The following ETFDH variants were observed in gnomAD, a reference collection of about 807,000 sequenced individuals.
ETFDH encodes the protein electron transfer flavoprotein dehydrogenase.
ETFDH carries 61 observed loss-of-function variants against 73.2 expected under a neutral mutation model. That is an observed-to-expected ratio of 0.83 (90% CI 0.68 to 1.03). ETFDH has a LOEUF of 1.03. Among genes scored for constraint, ETFDH ranks in the 50% least tolerant of loss-of-function variants. The probability of loss-of-function intolerance (pLI) is 0.00; values close to 1 mark genes in which losing one functional copy is unlikely to be tolerated. For synonymous variants in ETFDH, 243 were observed against 253.3 expected, an observed-to-expected ratio of 0.96 and a Z score of 0.39; for missense variants, 685 against 745.0, an observed-to-expected ratio of 0.92 and a Z score of 0.94.
intron 5 of ETFDH, 77 bp downstream of exon 5, chr4:158,685,296 A>G: frequency 1.2e-6 from 1 of 811,472 alleles, no homozygotes; most frequent in Non-Finnish European, 2.1e-6. Context: ...TATAAAGTTG[A>G]AGAAATAAAT....
chr4:158,700,570 A>ATG (rs1774433592), intron 9 of ETFDH: 1 of 90,924 alleles, frequency 1.1e-5, no homozygotes, highest in African/African-American at 3.4e-5. Flanking sequence ...ACACACACAC[A>ATG]CGCACACACA....
At chr4:158,702,821 T>C (rs985575251) in intron 9 of ETFDH, among the ~76,000 whole-genome samples, 2 of 152,204 alleles carry the variant, frequency 1.3e-5, no homozygotes, top group Non-Finnish European at 2.9e-5. Context: ...TGCTTTCTTT[T>C]GGATATATAC....
chr4:158,700,527 TGACAG>T (rs1303138152), intron 9 of ETFDH, among the ~76,000 whole-genome samples: 1 of 142,316 alleles, frequency 7.0e-6, no homozygotes, highest in African/African-American at 2.5e-5. Flanking sequence ...ATTTGCAAAT[TGACAG>T]GAGATGACTC....
intron 10 of ETFDH, among the ~76,000 whole-genome samples, chr4:158,705,017 T>C (rs2126312012): frequency 6.6e-6 from 1 of 152,272 alleles, no homozygotes; most frequent in Non-Finnish European, 1.5e-5. Flanking sequence ...TAGATAATAC[T>C]GGAGCCAGTA....
intron 6 of ETFDH, among the ~76,000 whole-genome samples, chr4:158,695,215 G>A (rs1668918312): frequency 6.6e-6 from 1 of 152,032 alleles, no homozygotes; most frequent in Non-Finnish European, 1.5e-5. Context: ...CAGAGGAGCT[G>A]GATAATCTAT....
chr4:158,703,685 T>TA (rs1444148356), intron 10 of ETFDH, 94 bp downstream of exon 10: 58 of 782,040 alleles, frequency 7.4e-5, no homozygotes, highest in Non-Finnish European at 1.3e-4. Flanking sequence ...TCTGTCACTT[T>TA]ATAGAAAGTA....
intron 10 of ETFDH, among the ~76,000 whole-genome samples, chr4:158,704,122 C>A (rs912271648): frequency 6.6e-6 from 1 of 152,168 alleles, no homozygotes; most frequent in Non-Finnish European, 1.5e-5. Context: ...AAGAAAAGAA[C>A]CAGTGGTGTC....
At chr4:158,681,060 A>T (rs1395835301) in intron 2 of ETFDH, among the ~76,000 whole-genome samples, 1 of 152,158 alleles carries the variant, frequency 6.6e-6, no homozygotes, top group Admixed American at 6.5e-5. Context: ...TAATTTTTTT[A>T]AAAAGTTAAC....
chr4:158,685,945 G>T (rs1286463767), intron 5 of ETFDH, among the ~76,000 whole-genome samples: 1 of 152,190 alleles, frequency 6.6e-6, no homozygotes, highest in Admixed American at 6.5e-5. Flanking sequence ...AGGCAGGCAT[G>T]ATCTTATGAA....
intron 11 of ETFDH, 108 bp downstream of exon 11, chr4:158,706,479 A>G: frequency 5.3e-6 from 6 of 1,129,698 alleles, no homozygotes; most frequent in Non-Finnish European, 8.0e-6. Flanking sequence ...AGAAATTATA[A>G]ATTTAGTGTC....
chr4:158,694,594 CAAA>C (rs530332578), intron 6 of ETFDH, among the ~76,000 whole-genome samples: 1 of 96,672 alleles, frequency 1.0e-5, no homozygotes. Context: ...AACTCTGTCT[CAAA>C]AAAAAAAAAA....
At chr4:158,685,278 G>A (rs1447460794) in intron 5 of ETFDH, 59 bp downstream of exon 5, 48 of 889,430 alleles carry the variant, frequency 5.4e-5, no homozygotes, top group Non-Finnish European at 8.0e-5. Context: ...TTAATAAGTG[G>A]AGAATTTTAT....
chr4:158,699,412 A>G (rs988448685), intron 9 of ETFDH, among the ~76,000 whole-genome samples: 1 of 152,128 alleles, frequency 6.6e-6, no homozygotes, highest in Non-Finnish European at 1.5e-5. Context: ...TCTACAACAA[A>G]TGGAAAGATT....
intron 10 of ETFDH, among the ~76,000 whole-genome samples, chr4:158,705,229 T>C (rs1774575870): frequency 6.6e-6 from 1 of 151,956 alleles, no homozygotes; most frequent in Non-Finnish European, 1.5e-5. Context: ...ACAGGGTCTC[T>C]CTCTGTTGCC....
At chr4:158,698,219 C>T (rs914545005) in intron 8 of ETFDH, among the ~76,000 whole-genome samples, 4 of 152,164 alleles carry the variant, frequency 2.6e-5, no homozygotes, top group Middle Eastern at 3.2e-3. Flanking sequence ...TTGAACATTA[C>T]AAAGAATGGA....
intron 12 of ETFDH, among the ~76,000 whole-genome samples, chr4:158,707,791 A>T (rs1221984514): frequency 6.6e-6 from 1 of 152,216 alleles, no homozygotes; most frequent in African/African-American, 2.4e-5. Flanking sequence ...GTTCTCTATA[A>T]AGAGAAAAAA....
At chr4:158,702,205 G>T (rs1774482926) in intron 9 of ETFDH, among the ~76,000 whole-genome samples, 1 of 151,550 alleles carries the variant, frequency 6.6e-6, no homozygotes, top group Admixed American at 6.6e-5. Context: ...CTTAATTTTG[G>T]GGGGAGAGAG....
chr4:158,681,136 A>G (rs1773848840), intron 2 of ETFDH, among the ~76,000 whole-genome samples: 1 of 152,188 alleles, frequency 6.6e-6, no homozygotes, highest in Admixed American at 6.5e-5. Context: ...TGCATAGGAG[A>G]TGACAGCTCC....
At position 158,685,169 on chromosome 4, in the gene ETFDH, C is replaced by T; in HGVS notation, c.556C>T (p.Gln186Ter). The T allele has an allele frequency of 6.2e-7, 1 of 1,612,636 alleles. No homozygotes were observed. Among genetic ancestry groups the T allele is most frequent in the Non-Finnish European group, 8.5e-7 (1 of 1,178,840 alleles). The change falls in exon 5 of 13, where the codon CAA (glutamine) becomes TAA (stop). Residue 186 changes from glutamine (Q) to a stop codon, truncating the protein, a stop_gained. Transcript: ENST00000511912. LOFTEE classifies it high-confidence loss of function. ...LGHLVSWMGE[Q>*]AEALGVEVYP... ...ACATTTAGTGAGCTGGATGGGCGAA[C>T]AAGCAGAAGCCCTTGGTGTTGAAGT...
Sources: allele counts gnomAD v4.1 joint callset (sites outside exome capture counted in the v4.1 genomes callset), GRCh38; gene constraint gnomAD v4.1.1; transcripts MANE v1.5; gene names NCBI Gene and HGNC (gene_info 2026-07-23, HGNC 2026-07-21).